Variants in LAMC3 observed in about 807,000 individuals in gnomAD.
LAMC3 encodes laminin subunit gamma-3.
LAMC3 carries 128 observed loss-of-function variants against 173.8 expected under a neutral mutation model. The ratio of observed to expected loss-of-function variants is 0.74; its 90% CI spans 0.64 to 0.85. The LOEUF (loss-of-function observed/expected upper bound fraction) is 0.85, where lower values mean the gene tolerates loss of function less well. Ranked by LOEUF, LAMC3 falls within the 40% of genes least tolerant of loss-of-function variation. The pLI is 0.00. For synonymous variants in LAMC3, 897 were observed against 909.1 expected (o/e 0.99, Z 0.24); for missense variants, 2,022 against 2,156.0 (o/e 0.94, Z 1.23).
At chr9:131,083,944 G>A (rs1393243765) in intron 24 of LAMC3, among the ~76,000 whole-genome samples, 3 of 140,126 alleles carry the variant, frequency 2.1e-5, no homozygotes, top group African/African-American at 2.7e-5. Context: ...GCATGATCTC[G>A]GCTCACTGCA....
intron 1 of LAMC3, among the ~76,000 whole-genome samples, chr9:131,013,963 C>T (rs1833472365): frequency 6.6e-6 from 1 of 152,244 alleles, no homozygotes; most frequent in Non-Finnish European, 1.5e-5. Flanking sequence ...GCCAAGTCCT[C>T]CCTCCTGCTC....
At chr9:131,048,297 T>C (rs1423247814) in intron 8 of LAMC3, among the ~76,000 whole-genome samples, 1 of 152,150 alleles carries the variant, frequency 6.6e-6, no homozygotes, top group Non-Finnish European at 1.5e-5. Flanking sequence ...CCTCAGATGA[T>C]CCACCCACCT....
In LAMC3 at chr9:131,072,636, G is replaced by A. The variant is rs1055925150; in HGVS notation, c.3218G>A (p.Arg1073Gln). 3.2e-5 allele frequency: 52 copies of A among 1,609,108 alleles called. No homozygotes were observed. The highest frequency in any genetic ancestry group is 5.3e-5 in the African/African-American group (4 of 74,810). Residue 1073 changes from arginine (R) to glutamine (Q), a missense_variant, in exon 19 of 28, where the codon CGG (arginine) becomes CAG (glutamine). Physicochemically the swap from Arg to Gln is conservative, Grantham distance 43. Transcript: ENST00000361069. The stretch of plus-strand genomic sequence containing the variant: ...GGCTGTGGGCTTCCCATAGGGGCTC[G>A]GGAAGCCTTCCTGGAGCAGATGATG... The part of the protein sequence containing the change: ...YQGHHLLPGA[R>Q]EAFLEQMMSL...
chr9:131,066,849 C>A, intron 13 of LAMC3, 111 bp from the exon 14 acceptor site: 2 of 1,443,796 alleles, frequency 1.4e-6, no homozygotes, highest in South Asian at 1.3e-5. Flanking sequence ...CCTGCCCAAG[C>A]CCGTGCTGCT....
intron 3 of LAMC3, 77 bp downstream of exon 3, chr9:131,032,252 GGGGGGT>G: frequency 8.4e-6 from 4 of 474,866 alleles, no homozygotes; most frequent in East Asian, 6.0e-5. Flanking sequence ...GCTGTGGGGT[GGGGGGT>G]GGGGGGGCAC....
chr9:131,087,440 C>CT (rs746745149), intron 25 of LAMC3, 36 bp from the exon 26 acceptor site: 1 of 1,613,162 alleles, frequency 6.2e-7, no homozygotes, highest in East Asian at 2.2e-5. Context: ...TTGCTGCACT[C>CT]ACTTCTTCTC....
At chr9:131,023,065 GTTCTCGTGGTTCA>G (rs1334061412) in intron 1 of LAMC3, among the ~76,000 whole-genome samples, 1 of 152,088 alleles carries the variant, frequency 6.6e-6, no homozygotes, top group Non-Finnish European at 1.5e-5. Context: ...GCCACTTAAC[GTTCTCGTGGTTCA>G]TTCTTGTGGT....
At chr9:131,083,359 C>A (rs1830275685) in intron 24 of LAMC3, among the ~76,000 whole-genome samples, 1 of 152,210 alleles carries the variant, frequency 6.6e-6, no homozygotes, top group Admixed American at 6.5e-5. Context: ...ACCCCAGGCT[C>A]TTTTCCCCAT....
At chr9:131,089,544 A>AT (rs59946569) in intron 27 of LAMC3, among the ~76,000 whole-genome samples, 29,597 of 138,582 alleles carry the variant, frequency 0.21, 3,470 homozygotes, top group Admixed American at 0.26. Flanking sequence ...CACCCAGCTA[A>AT]TTTTTTTTTT....
In LAMC3 at chr9:131,052,574, C is replaced by G. The variant is rs1834312058; in HGVS notation, c.1714C>G (p.Pro572Ala). ...FRVPPGDSPL[P>A]VQLRLEGTGL... ...GGTGCCCCCCGGGGACTCCCCACTC[C>G]CTGTACAGCTGAGGCTGGAAGGGAC... The change falls in exon 10 of 28, where the codon CCT becomes GCT. Residue 572 changes from proline to alanine, a missense_variant. By Grantham distance (27) the Pro-to-Ala change is conservative. Coordinates refer to ENST00000361069, the MANE Select transcript of LAMC3 (RefSeq NM_006059.4). The G allele has an allele frequency of 6.2e-7, 1 of 1,614,032 alleles. No homozygotes were observed. Among genetic ancestry groups the G allele is most frequent in the African/African-American group, 1.3e-5 (1 of 74,938 alleles).
chr9:131,070,314 G>T (rs1830017884), intron 17 of LAMC3, among the ~76,000 whole-genome samples: 1 of 152,334 alleles, frequency 6.6e-6, no homozygotes, highest in East Asian at 1.9e-4. Flanking sequence ...GTAAGCCTCT[G>T]TCTCTTTCGT....
intron 27 of LAMC3, among the ~76,000 whole-genome samples, chr9:131,089,441 A>G (rs1588172727): frequency 6.6e-6 from 1 of 152,048 alleles, no homozygotes; most frequent in East Asian, 1.9e-4. Flanking sequence ...GCAGTGGTGC[A>G]GTCGTGGCTC....
At position 131,045,518 on chromosome 9, in the gene LAMC3, T is replaced by C; in HGVS notation, c.1383-6T>C. On this transcript the variant is annotated splice_region_variant and splice_polypyrimidine_tract_variant and intron_variant, in intron 7 of 27. Transcript: ENST00000361069. ...CCCTCGTGGGCATGTCCTGCCTCCATTTCAGATGTCGCCCGGGGACCTTTA... is the reference window on the plus strand; with the variant it reads ...CCCTCGTGGGCATGTCCTGCCTCCACTTCAGATGTCGCCCGGGGACCTTTA... 1 of 1,613,440 alleles carries C rather than the reference T, an allele frequency of 6.2e-7. No homozygotes were observed. The highest frequency in any genetic ancestry group is 1.3e-5 in the African/African-American group (1 of 75,064).
At chr9:131,069,988 T>G in intron 17 of LAMC3, 138 bp downstream of exon 17, 1 of 891,552 alleles carries the variant, frequency 1.1e-6, no homozygotes, top group Non-Finnish European at 1.8e-6. Flanking sequence ...CTTCTCCCTG[T>G]GCCCACCCAG....
intron 2 of LAMC3, among the ~76,000 whole-genome samples, chr9:131,027,368 G>A (rs1588140545): frequency 6.6e-6 from 1 of 152,346 alleles, no homozygotes; most frequent in South Asian, 2.1e-4. Context: ...CTGTGAATTA[G>A]TAACAGGGCC....
intron 19 of LAMC3, 95 bp from the exon 20 acceptor site, chr9:131,073,150 G>C (rs140769779): frequency 1.0e-6 from 1 of 953,634 alleles, no homozygotes; most frequent in African/African-American, 1.6e-5. Context: ...AAAACGACGG[G>C]TGCCATCCAG....
At chr9:131,083,691 C>T (rs1310339220) in intron 24 of LAMC3, among the ~76,000 whole-genome samples, 1 of 152,104 alleles carries the variant, frequency 6.6e-6, no homozygotes, top group Admixed American at 6.5e-5. Flanking sequence ...TTTGTTAACA[C>T]CGTGGAGAAT....
chr9:131,056,182 C>A (rs1397838429), intron 11 of LAMC3, among the ~76,000 whole-genome samples: 1 of 151,508 alleles, frequency 6.6e-6, no homozygotes, highest in Admixed American at 6.6e-5. Flanking sequence ...AGTGACAGAG[C>A]AAGATTCTGT....
chr9:131,013,855 G>A (rs2133203078), intron 1 of LAMC3, among the ~76,000 whole-genome samples: 1 of 152,232 alleles, frequency 6.6e-6, no homozygotes, highest in Non-Finnish European at 1.5e-5. Flanking sequence ...GGCCCCTGAG[G>A]GGTCCTGGAG....
Sources: gnomAD v4.1 joint callset for allele counts (sites outside exome capture counted in the v4.1 genomes callset) on GRCh38, gnomAD v4.1.1 for gene constraint, MANE v1.5 for transcripts, NCBI Gene and HGNC (gene_info 2026-07-23, HGNC 2026-07-21) for gene names.